The following PTAR1 variants were observed in gnomAD, a reference collection of about 807,000 sequenced individuals.
PTAR1 encodes protein prenyltransferase alpha subunit repeat containing 1, also known as protein prenyltransferase alpha subunit repeat-containing protein 1.
A neutral mutation model predicts 45.5 loss-of-function variants in PTAR1; 17 were observed. That is an observed-to-expected ratio of 0.37 (90% CI 0.26 to 0.56). The LOEUF (loss-of-function observed/expected upper bound fraction) is 0.56, where lower values mean the gene tolerates loss of function less well. Among genes scored for constraint, PTAR1 ranks in the 20% least tolerant of loss-of-function variants. PTAR1 has a pLI of 0.77. For synonymous variants in PTAR1, 169 were observed against 171.3 expected (o/e 0.99, Z 0.11); for missense variants, 391 against 476.3 (o/e 0.82, Z 1.67).
rs1206135948 is a variant in PTAR1 at position 69,718,436 on chromosome 9, C to T, written c.1115G>A (p.Arg372Lys). The stretch of plus-strand genomic sequence containing the variant: ...GGTGGACAATACTTGATCAATGAAC[C>T]TGTGCTCCATTTCTAGGCCTAGGGA... ...PDSLGLEMEH[R>K]FIDQVLSTCR... The change falls in exon 8 of 8, where the codon AGG becomes AAG. Residue 372 changes from arginine (R) to lysine (K), a missense_variant. Arg to Lys is a conservative substitution (Grantham distance 26). This residue lies in a region of PTAR1 where 181 missense variants were observed against 227.7 expected (regional missense o/e 0.80). Coordinates refer to ENST00000340434, the MANE Select transcript of PTAR1 (RefSeq NM_001099666.2). 1.2e-6 allele frequency: 2 copies of T among 1,613,602 alleles called. No individual in the cohort carries two copies. Among genetic ancestry groups the T allele is most frequent in the African/African-American group, 1.3e-5 (1 of 74,938 alleles).
chr9:69,718,793 C>A, intron 6 of PTAR1, 109 bp from the exon 7 acceptor site: 1 of 729,728 alleles, frequency 1.4e-6, no homozygotes, highest in East Asian at 2.7e-5. Flanking sequence ...CAATTCACTG[C>A]CCATTTCATA....
chr9:69,731,884 A>G (rs372293848), intron 5 of PTAR1: 13 of 503,308 alleles, frequency 2.6e-5, no homozygotes, highest in East Asian at 3.5e-5. Flanking sequence ...GTTATGCTCA[A>G]TCTTCCTCAG....
At chr9:69,733,245 C>A (rs1453667533) in intron 4 of PTAR1, among the ~76,000 whole-genome samples, 1 of 152,120 alleles carries the variant, frequency 6.6e-6, no homozygotes, top group Non-Finnish European at 1.5e-5. Context: ...CAGTCATATA[C>A]CCTTCTGTGG....
rs554072661 is a variant in PTAR1 at position 69,718,004 on chromosome 9, C to T, written c.*338G>A. 5.8e-5 allele frequency: 11 copies of T among 190,496 alleles called. No individual in the cohort carries two copies. In the South Asian group the frequency reaches 1.9e-3, roughly 32 times the overall value. 11.8% of individuals were successfully genotyped at this position (190,496 alleles called of 1,614,324 possible). The stretch of plus-strand genomic sequence containing the variant: ...TAATTTTTAAAAGAATTTGCCTATG[C>T]AGCAATTGGACTGAGGGGGGTAGAG... On this transcript the variant is annotated 3_prime_UTR_variant, in exon 8 of 8. Transcript: ENST00000340434.
Position 69,727,198 on chromosome 9 carries a change from G to A in PTAR1, c.643-3568C>T, listed in dbSNP as rs369452438. On this transcript the variant is annotated intron_variant, in intron 5 of 7. Coordinates refer to ENST00000340434, the MANE Select transcript of PTAR1 (RefSeq NM_001099666.2). The stretch of plus-strand genomic sequence containing the variant: ...TTGTGGTAAGAACATTTAAGATAAC[G>A]CTCTTAGAAATCTTTGGGTATACAT... Among the ~76,000 whole-genome samples, 61 of 151,830 alleles carry A rather than the reference G, an allele frequency of 4.0e-4. No homozygotes were observed. The South Asian group carries it at 9.4e-3, about 23-fold the overall frequency.
At chr9:69,726,819 G>A (rs1404456321) in intron 5 of PTAR1, among the ~76,000 whole-genome samples, 1 of 151,176 alleles carries the variant, frequency 6.6e-6, no homozygotes, top group Admixed American at 6.6e-5. Flanking sequence ...TTTTTCTTAC[G>A]AGTTTGTAAG....
At chr9:69,728,506 T>C (rs551737596) in intron 5 of PTAR1, among the ~76,000 whole-genome samples, 22 of 152,338 alleles carry the variant, frequency 1.4e-4, no homozygotes, top group Non-Finnish European at 2.6e-4. Context: ...ACATTTGTTA[T>C]TGTCCGTATT....
intron 2 of PTAR1, among the ~76,000 whole-genome samples, chr9:69,744,376 T>C (rs922569409): frequency 4.0e-5 from 6 of 148,448 alleles, no homozygotes; most frequent in Non-Finnish European, 7.5e-5. Context: ...AAAAAATCTT[T>C]CATCTCTGCT....
rs370998856 is a variant in PTAR1 at position 69,723,555 on chromosome 9, G to C, written c.718C>G (p.Arg240Gly). Residue 240 changes from arginine to glycine, a missense_variant, in exon 6 of 8, where the codon CGC (arginine) becomes GGC (glycine). Physicochemically the swap from Arg to Gly is moderately radical, Grantham distance 125. This residue lies in a region of PTAR1 where 181 missense variants were observed against 227.7 expected (regional missense o/e 0.80). Coordinates refer to ENST00000340434, the MANE Select transcript of PTAR1 (RefSeq NM_001099666.2). ...HVSDHSGFHY[R>G]QFLLKSLISQ... ...ATCAAAGACTTAAGCAAAAACTGGC[G>C]GTAGTGAAATCCACTGTGGTCTGAA... 8 of 1,613,566 alleles carry C rather than the reference G, an allele frequency of 5.0e-6. No individual in the cohort carries two copies. The highest frequency in any genetic ancestry group is 1.3e-5 in the African/African-American group (1 of 74,904).
At chr9:69,718,776 C>G (rs1274640336) in intron 6 of PTAR1, 92 bp from the exon 7 acceptor site, 7 of 960,432 alleles carry the variant, frequency 7.3e-6, no homozygotes, top group Non-Finnish European at 1.1e-5. Context: ...TCAAAACATA[C>G]AGTATTCAAT....
At chr9:69,733,492 A>G (rs1024784603) in intron 4 of PTAR1, among the ~76,000 whole-genome samples, 2 of 152,162 alleles carry the variant, frequency 1.3e-5, no homozygotes, top group Non-Finnish European at 2.9e-5. Context: ...TTTTGGTCAA[A>G]TAAGAGTAGT....
chr9:69,751,984 A>C (rs1029986552), intron 1 of PTAR1, among the ~76,000 whole-genome samples: 4 of 152,102 alleles, frequency 2.6e-5, no homozygotes, highest in Admixed American at 2.6e-4. Flanking sequence ...ATGCCTTTCA[A>C]CTCTAAAGGA....
At chr9:69,751,256 C>A (rs1826519059) in intron 1 of PTAR1, among the ~76,000 whole-genome samples, 1 of 151,936 alleles carries the variant, frequency 6.6e-6, no homozygotes, top group Admixed American at 6.6e-5. Context: ...AGAAATTATC[C>A]TATGCCAAAA....
intron 5 of PTAR1, among the ~76,000 whole-genome samples, chr9:69,724,748 T>C (rs1003821840): frequency 6.6e-6 from 1 of 152,230 alleles, no homozygotes; most frequent in Non-Finnish European, 1.5e-5. Context: ...TTAAGATATT[T>C]ATTCATTCCT....
At chr9:69,736,093 A>G (rs1825774439) in intron 3 of PTAR1, among the ~76,000 whole-genome samples, 1 of 152,162 alleles carries the variant, frequency 6.6e-6, no homozygotes, top group Non-Finnish European at 1.5e-5. Flanking sequence ...ATATTGCTCT[A>G]TGTAATTTTA....
chr9:69,723,222 C>T, intron 6 of PTAR1, 104 bp downstream of exon 6: 3 of 926,164 alleles, frequency 3.2e-6, no homozygotes, highest in Non-Finnish European at 5.1e-6. Context: ...AATCAGATGA[C>T]CATGTTTACC....
At chr9:69,742,097 C>T (rs1826067598) in intron 2 of PTAR1, among the ~76,000 whole-genome samples, 1 of 152,070 alleles carries the variant, frequency 6.6e-6, no homozygotes, top group South Asian at 2.1e-4. Context: ...TTATGATATG[C>T]CTATAAGGAA....
intron 1 of PTAR1, among the ~76,000 whole-genome samples, chr9:69,756,869 C>G (rs750051615): frequency 3.3e-5 from 5 of 152,222 alleles, no homozygotes; most frequent in African/African-American, 4.8e-5. Flanking sequence ...CTATGCATCA[C>G]AGTAGTCACT....
Position 69,718,198 on chromosome 9 carries a change from G to C in PTAR1, c.*144C>G. The C allele has an allele frequency of 1.9e-6, 1 of 538,892 alleles. No individual in the cohort carries two copies. Among genetic ancestry groups the C allele is most frequent in the Non-Finnish European group, 3.2e-6 (1 of 312,326 alleles). The allele number at this position is 538,892 out of a possible 1,614,324, so 33.4% of individuals were successfully genotyped here. A position where few individuals can be genotyped will look rare whatever the true frequency, so the allele number is the denominator to read the frequency against. On this transcript the variant is annotated 3_prime_UTR_variant, in exon 8 of 8. Transcript: ENST00000340434. ...CAGTTATTAACAAAATAAATAAAAT[G>C]AAAGATTTACTATGGACTTTCAACC... is the stretch of plus-strand genomic sequence containing the variant.
Sources: gnomAD v4.1 joint callset for allele counts (sites outside exome capture counted in the v4.1 genomes callset) on GRCh38, gnomAD v4.1.1 for gene constraint, gnomAD v4.1.1 regional missense constraint, MANE v1.5 for transcripts, NCBI Gene and HGNC (gene_info 2026-07-23, HGNC 2026-07-21) for gene names.